Variants in OR52N4 observed in about 807,000 individuals in gnomAD.
The protein encoded by OR52N4 is olfactory receptor 52N4.
Under a neutral mutation model 15.0 loss-of-function variants are expected in OR52N4, and 15 were observed. The observed-to-expected ratio is 1.00, with a 90% CI of 0.67 to 1.54. OR52N4 has a LOEUF of 1.54. Among genes scored for constraint, OR52N4 ranks in the 40% most tolerant of loss-of-function variants. The pLI is 0.00. For missense variants in OR52N4, 421 were observed against 394.0 expected (o/e 1.07, Z -0.58); for synonymous variants, 143 against 143.7 (o/e 1.00, Z 0.03).
rs1854292104 is a variant in OR52N4, at chr11:5,755,449, C to A, written c.709C>A (p.Gln237Lys). 4 of 1,613,972 alleles carry A rather than the reference C, an allele frequency of 2.5e-6. No homozygotes were observed. The highest frequency in any genetic ancestry group is 3.4e-6 in the Non-Finnish European group (4 of 1,179,984). ...CAGCCTCTCCTCAGCAGATGCTCGG[C>A]AGAAGGCCTTTAATACCTGCACTGC... ...VVSLSSADARQKAFNTCTAHI... is the reference protein window; with the variant it reads ...VVSLSSADARKKAFNTCTAHI... The change falls in exon 2 of 2, where the codon CAG (glutamine) becomes AAG (lysine). Residue 237 changes from glutamine (Q) to lysine (K), a missense_variant. Gln to Lys is a moderately conservative substitution (Grantham distance 53). Transcript: ENST00000641350.
the OR52N4 span, among the ~76,000 whole-genome samples, chr11:5,738,689 TAA>T: frequency 1.3e-5 from 2 of 152,174 alleles, no homozygotes; most frequent in African/African-American, 4.8e-5. Flanking sequence ...TGATCAGATA[TAA>T]AGACACTGCA....
the OR52N4 span, chr11:5,727,435 C>G: frequency 6.6e-6 from 1 of 151,984 alleles, no homozygotes. Context: ...TCAAAGTGGG[C>G]AGGAAATGGG....
chr11:5,736,724 A>G, the OR52N4 span: 8 of 1,613,846 alleles, frequency 5.0e-6, no homozygotes, highest in South Asian at 6.6e-5. Flanking sequence ...GCCCATGTAT[A>G]TTTTCCTTGG....
chr11:5,735,325 C>T, the OR52N4 span, among the ~76,000 whole-genome samples: 1 of 151,818 alleles, frequency 6.6e-6, no homozygotes, highest in Non-Finnish European at 1.5e-5. Flanking sequence ...TGAGTCATAT[C>T]TGAGAGTGTT....
the OR52N4 span, among the ~76,000 whole-genome samples, chr11:5,745,118 T>A: frequency 6.6e-5 from 10 of 152,102 alleles, no homozygotes; most frequent in Non-Finnish European, 1.3e-4. Flanking sequence ...TTGAAATCAT[T>A]TCTCCCAGCA....
At chr11:5,749,493 A>G (rs1049518545), upstream of OR52N4, among the ~76,000 whole-genome samples, 1 of 151,966 alleles carries the variant, frequency 6.6e-6, no homozygotes, top group Non-Finnish European at 1.5e-5. Flanking sequence ...ATCCTTTTTT[A>G]CTAGTGGTGG....
chr11:5,755,788 G>A lies in OR52N4; in HGVS notation c.*82G>A. 1 of 1,504,426 alleles carries A rather than the reference G, an allele frequency of 6.6e-7. No homozygotes were observed. Among genetic ancestry groups the A allele is most frequent in the Non-Finnish European group, 8.9e-7 (1 of 1,121,382 alleles). The allele number at this position is 1,504,426 out of a possible 1,614,324, so 93.2% of individuals were successfully genotyped here. ...ATGCAGGAGTTCATAAAATCTTTCT[G>A]GAAGCACTGTATTGATCACAAAATG... On this transcript the variant is annotated 3_prime_UTR_variant, in exon 2 of 2. Coordinates refer to ENST00000641350, the MANE Select transcript of OR52N4 (RefSeq NM_001005175.5).
the OR52N4 span, among the ~76,000 whole-genome samples, chr11:5,743,168 A>C: frequency 6.6e-6 from 1 of 152,218 alleles, no homozygotes; most frequent in Non-Finnish European, 1.5e-5. Flanking sequence ...ATGTTAATCA[A>C]TTCAAGAATA....
chr11:5,741,989 A>C, the OR52N4 span, among the ~76,000 whole-genome samples: 1 of 152,152 alleles, frequency 6.6e-6, no homozygotes, highest in Non-Finnish European at 1.5e-5. Flanking sequence ...CTGAAACCAA[A>C]AATTCACTGA....
At chr11:5,743,211 A>G in the OR52N4 span, among the ~76,000 whole-genome samples, 1 of 152,166 alleles carries the variant, frequency 6.6e-6, no homozygotes, top group Non-Finnish European at 1.5e-5. Context: ...TATGCATCCA[A>G]CATCAGAGCA....
chr11:5,736,859 T>C, the OR52N4 span: 2 of 1,614,042 alleles, frequency 1.2e-6, no homozygotes, highest in Admixed American at 1.7e-5. Context: ...TGCCATTCAC[T>C]TCTTTGTGGG....
chr11:5,730,323 C>G, the OR52N4 span, among the ~76,000 whole-genome samples: 1 of 151,614 alleles, frequency 6.6e-6, no homozygotes, highest in African/African-American at 2.4e-5. Flanking sequence ...TCCTGAGTAG[C>G]TGGGACTACA....
the OR52N4 span, among the ~76,000 whole-genome samples, chr11:5,748,655 G>A: frequency 3.3e-5 from 5 of 151,766 alleles, no homozygotes; most frequent in Admixed American, 1.3e-4. Flanking sequence ...CTAAATAAAC[G>A]TTAATTGAAA....
chr11:5,744,403 A>G, the OR52N4 span, among the ~76,000 whole-genome samples: 2 of 152,224 alleles, frequency 1.3e-5, no homozygotes, highest in Admixed American at 6.5e-5. Context: ...GGACGCAACA[A>G]AAAAGAAAAT....
the OR52N4 span, among the ~76,000 whole-genome samples, chr11:5,749,117 A>G: frequency 3.8e-5 from 5 of 132,734 alleles, no homozygotes; most frequent in African/African-American, 1.1e-4. Flanking sequence ...CTGTGGATAC[A>G]TATATTAATT....
chr11:5,754,567 AT>A (rs1854256832), intron 1 of OR52N4, 125 bp from the exon 2 acceptor site: 1 of 587,560 alleles, frequency 1.7e-6, no homozygotes, highest in African/African-American at 1.9e-5. Flanking sequence ...AAACAAAATT[AT>A]TTCTTGGCAC....
Position 5,754,861 on chromosome 11 carries a change from A to C in OR52N4, c.121A>C (p.Met41Leu). Reference protein sequence around the residue: ...FPFCSMYVVAMVGNCGLLYLI... With the variant: ...FPFCSMYVVALVGNCGLLYLI... ...ATTCTGCTCTATGTATGTTGTGGCT[A>C]TGGTAGGGAATTGTGGACTCCTCTA... Residue 41 changes from methionine to leucine, a missense_variant, in exon 2 of 2, where the codon ATG becomes CTG. By Grantham distance (15) the Met-to-Leu change is conservative (BLOSUM62 2). Coordinates refer to ENST00000641350, the MANE Select transcript of OR52N4 (RefSeq NM_001005175.5). 6.2e-7 allele frequency: 1 copy of C among 1,613,820 alleles called. No individual in the cohort carries two copies. Among genetic ancestry groups the C allele is most frequent in the East Asian group, 2.2e-5 (1 of 44,868 alleles).
the OR52N4 span, among the ~76,000 whole-genome samples, chr11:5,734,743 G>A: frequency 6.6e-6 from 1 of 152,094 alleles, no homozygotes; most frequent in African/African-American, 2.4e-5. Flanking sequence ...CATCAAATGG[G>A]TTACATACTT....
chr11:5,752,264 T>C (rs75905307), upstream of OR52N4, among the ~76,000 whole-genome samples: 270 of 152,296 alleles, frequency 1.8e-3, 14 homozygotes, highest in East Asian at 0.047. Flanking sequence ...TGAGTACATA[T>C]CTTTGAGGAG....
Sources: allele counts gnomAD v4.1 joint callset (sites outside exome capture counted in the v4.1 genomes callset), GRCh38; gene constraint gnomAD v4.1.1; transcripts MANE v1.5; gene names NCBI Gene and HGNC (gene_info 2026-07-23, HGNC 2026-07-21).